SLC44A2: variants seen among roughly 807,000 people sequenced by gnomAD.
SLC44A2 encodes choline transporter-like protein 2.
SLC44A2 carries 57 observed loss-of-function variants against 90.8 expected under a neutral mutation model. That is an observed-to-expected ratio of 0.63 (90% confidence interval 0.51 to 0.78). SLC44A2 has a LOEUF of 0.78. Among genes scored for constraint, SLC44A2 ranks in the 30% least tolerant of loss-of-function variants. SLC44A2 has a pLI of 0.00. For missense variants in SLC44A2, 794 were observed against 919.7 expected (o/e 0.86, Z 1.77); for synonymous variants, 355 against 360.7 (o/e 0.98, Z 0.18).
At position 10,636,373 on chromosome 19, in the gene SLC44A2, G is replaced by T. The variant is rs2067054010; in HGVS notation, c.1284G>T (p.Gln428His). ...ESRQCPNARC[Q>H]FAFYGGESGY... ...GCCAATGCCCCAATGCCCGTTGCCA[G>T]TTCGCCTTCTACGGTGGTGAGTCGG... Residue 428 changes from glutamine to histidine, a missense_variant, in exon 15 of 22, where the codon CAG becomes CAT. By Grantham distance (24) the Gln-to-His change is conservative (BLOSUM62 0). This residue lies in a region of SLC44A2 where 738 missense variants were observed against 841.1 expected (regional missense o/e 0.88). Coordinates refer to ENST00000335757, the MANE Select transcript of SLC44A2 (RefSeq NM_020428.4). The T allele has an allele frequency of 1.5e-5, 24 of 1,613,908 alleles. No individual in the cohort carries two copies. The East Asian group carries it at 5.1e-4, about 34-fold the overall frequency.
rs1274489567 is a variant in SLC44A2, at chr19:10,642,435, G to A, written c.1998G>A (p.Thr666=). The A allele has an allele frequency of 7.4e-6, 12 of 1,614,124 alleles. No individual in the cohort carries two copies. Among genetic ancestry groups the A allele is most frequent in the Non-Finnish European group, 9.3e-6 (11 of 1,180,008 alleles). Residue 666 remains threonine (T), a synonymous_variant, in exon 21 of 22, where the codon ACG becomes ACA. Coordinates refer to ENST00000335757, the MANE Select transcript of SLC44A2 (RefSeq NM_020428.4). ...GCGTCTATGGCATGTGTGTGGACAC[G>A]CTGTTCCTCTGCTTCTGTGAGTGAC... ...FFSVYGMCVD[T]LFLCFLEDLE...
intron 1 of SLC44A2, among the ~76,000 whole-genome samples, chr19:10,617,948 C>A (rs1256802249): frequency 6.6e-6 from 1 of 152,156 alleles, no homozygotes; most frequent in African/African-American, 2.4e-5. Flanking sequence ...TTCTCTTATG[C>A]TTTCCCTTCA....
At chr19:10,626,922 A>C (rs2066940144) in intron 2 of SLC44A2, among the ~76,000 whole-genome samples, 1 of 143,464 alleles carries the variant, frequency 7.0e-6, no homozygotes, top group East Asian at 2.4e-4. Context: ...AGGCAGGAGA[A>C]TTGCTTGAAT....
At chr19:10,642,546 GC>G in intron 21 of SLC44A2, 95 bp downstream of exon 21, 4 of 1,180,860 alleles carry the variant, frequency 3.4e-6, no homozygotes, top group Non-Finnish European at 5.0e-6. Flanking sequence ...ACGCTTGCCT[GC>G]CCCCAGCTTC....
chr19:10,607,491 C>T (rs888423707), intron 1 of SLC44A2, among the ~76,000 whole-genome samples: 30 of 149,926 alleles, frequency 2.0e-4, no homozygotes, highest in African/African-American at 6.6e-4. Flanking sequence ...GTTGAGACTA[C>T]GGGTGTGTGC....
chr19:10,640,245 T>C (rs1470804054), intron 20 of SLC44A2, among the ~76,000 whole-genome samples: 1 of 151,972 alleles, frequency 6.6e-6, no homozygotes, highest in African/African-American at 2.4e-5. Context: ...CATATGCCAC[T>C]GTGCCCGGCT....
Position 10,636,072 on chromosome 19 carries a change from C to T in SLC44A2, c.1234-251C>T, listed in dbSNP as rs948074912. 19 of 515,518 alleles carry T rather than the reference C, an allele frequency of 3.7e-5. 1 individual carries two copies. The highest frequency in any genetic ancestry group is 1.3e-4 in the South Asian group (5 of 38,324). 31.9% of individuals were successfully genotyped at this position (515,518 alleles called of 1,614,324 possible). A position where few individuals can be genotyped will look rare whatever the true frequency, so the allele number is the denominator to read the frequency against. ...GATTACAGGTGTGAGCCACCTCGCCCGGCCCATTTTTCCCCATTTCATTTC... is the reference window on the plus strand; with the variant it reads ...GATTACAGGTGTGAGCCACCTCGCCTGGCCCATTTTTCCCCATTTCATTTC... On this transcript the variant is annotated intron_variant, in intron 14 of 21. Coordinates refer to ENST00000335757, the MANE Select transcript of SLC44A2 (RefSeq NM_020428.4).
At chr19:10,634,712 T>A (rs1423161448) in intron 10 of SLC44A2, 44 bp from the exon 11 acceptor site, 2 of 1,611,678 alleles carry the variant, frequency 1.2e-6, no homozygotes, top group Non-Finnish European at 1.7e-6. Context: ...TTTGCAAAGT[T>A]GCAGGAGGCA....
upstream of SLC44A2, among the ~76,000 whole-genome samples, chr19:10,623,330 T>G (rs960931393): frequency 6.6e-6 from 1 of 151,930 alleles, no homozygotes; most frequent in African/African-American, 2.4e-5. Context: ...ATAAGTTGAG[T>G]TAGTGACCAG....
chr19:10,620,127 G>A (rs1296894086), intron 1 of SLC44A2, among the ~76,000 whole-genome samples: 1 of 151,986 alleles, frequency 6.6e-6, no homozygotes, highest in African/African-American at 2.4e-5. Context: ...AGTGAGCCAA[G>A]ATTGTTTCAC....
At chr19:10,613,432 G>A (rs1301409521) in intron 1 of SLC44A2, among the ~76,000 whole-genome samples, 1 of 151,956 alleles carries the variant, frequency 6.6e-6, no homozygotes, top group Non-Finnish European at 1.5e-5. Context: ...TGTATTTTTA[G>A]TAGACATGGG....
intron 4 of SLC44A2, among the ~76,000 whole-genome samples, chr19:10,630,770 A>G (rs1267739257): frequency 2.0e-5 from 3 of 150,210 alleles, no homozygotes; most frequent in Admixed American, 1.3e-4. Flanking sequence ...TTGGGAGGCC[A>G]AGGCAGGCGG....
chr19:10,628,075 C>T, intron 4 of SLC44A2, 71 bp downstream of exon 4: 1 of 1,380,046 alleles, frequency 7.2e-7, no homozygotes, highest in Non-Finnish European at 1.0e-6. Flanking sequence ...TTCCCCATCT[C>T]TCTAAGTCCA....
chr19:10,620,558 TG>T (rs2066888442), upstream of SLC44A2, among the ~76,000 whole-genome samples: 2 of 152,226 alleles, frequency 1.3e-5, 1 homozygote, highest in Admixed American at 1.3e-4. Flanking sequence ...TCTACATACA[TG>T]TATTATATAT....
intron 10 of SLC44A2, 115 bp downstream of exon 10, chr19:10,632,271 T>A (rs2067005273): frequency 1.1e-5 from 10 of 872,696 alleles, no homozygotes; most frequent in Non-Finnish European, 1.6e-5. Flanking sequence ...GCGTGGTGGC[T>A]CACGCCTGTA....
At chr19:10,622,787 A>G (rs898827399), upstream of SLC44A2, among the ~76,000 whole-genome samples, 2 of 152,114 alleles carry the variant, frequency 1.3e-5, no homozygotes, top group Admixed American at 1.3e-4. Context: ...CTGTGATCCC[A>G]GCTACTCAGG....
At chr19:10,606,005 A>G (rs1432801112) in intron 1 of SLC44A2, among the ~76,000 whole-genome samples, 2 of 151,712 alleles carry the variant, frequency 1.3e-5, no homozygotes, top group African/African-American at 2.4e-5. Flanking sequence ...AAAAACAACA[A>G]AAACCAGACT....
Position 10,629,943 on chromosome 19 carries a change from C to T in SLC44A2, c.246-1114C>T, listed in dbSNP as rs373112457. On this transcript the variant is annotated intron_variant, in intron 4 of 21. Transcript: ENST00000335757. ...TAATTTTTTGTATTTTTAGTACAGA[C>T]GGGGTTTCGCCACGTTGGCCAGGCT... Among the ~76,000 whole-genome samples, 11 of 151,948 alleles carry T rather than the reference C, an allele frequency of 7.2e-5. No homozygotes were observed. The East Asian group carries it at 1.4e-3, about 19-fold the overall frequency.
chr19:10,616,454 T>A (rs2066855970), intron 1 of SLC44A2, among the ~76,000 whole-genome samples: 1 of 152,070 alleles, frequency 6.6e-6, no homozygotes, highest in Non-Finnish European at 1.5e-5. Context: ...AGGTCTTGCC[T>A]GTTGCTTAGT....
Sources: allele counts gnomAD v4.1 joint callset (sites outside exome capture counted in the v4.1 genomes callset), GRCh38; gene constraint gnomAD v4.1.1; regional missense constraint gnomAD v4.1.1; transcripts MANE v1.5; gene names NCBI Gene and HGNC (gene_info 2026-07-23, HGNC 2026-07-21).